Variants in NOD1 observed in about 807,000 individuals in gnomAD.
The protein encoded by NOD1 is nucleotide binding oligomerization domain containing 1.
Under a neutral mutation model 81.2 loss-of-function variants are expected in NOD1, and 70 were observed. The observed-to-expected ratio is 0.86, with a 90% CI of 0.71 to 1.05. NOD1 has a LOEUF of 1.05. Among genes scored for constraint, NOD1 ranks in the 50% least tolerant of loss-of-function variants. The pLI is 0.00. For synonymous variants in NOD1, 508 were observed against 526.9 expected, an observed-to-expected ratio of 0.96 and a Z score of 0.49; for missense variants, 1,233 against 1,228.0, an observed-to-expected ratio of 1.00 and a Z score of -0.06.
intron 1 of NOD1, among the ~76,000 whole-genome samples, chr7:30,462,288 C>G (rs1787176603): frequency 6.6e-6 from 1 of 152,172 alleles, no homozygotes; most frequent in African/African-American, 2.4e-5. Context: ...TCCTATACCA[C>G]TGGTGGAAAT....
rs765191412 is a variant in NOD1, at chr7:30,437,648, C to T, written c.2462G>A (p.Gly821Asp). ...SKSISEVGMW[G>D]NQVGDEGAKA... Reference sequence around the variant, plus strand: ...TGCTCCTTCATCCCCAACTTGATTGCCCCACATCCTGAGGGAGGAGACAAG... The same window carrying T: ...TGCTCCTTCATCCCCAACTTGATTGTCCCACATCCTGAGGGAGGAGACAAG... The change falls in exon 10 of 14, where the codon GGC becomes GAC. Residue 821 changes from glycine to aspartate, a missense_variant. By Grantham distance (94) the Gly-to-Asp change is moderately conservative (BLOSUM62 -1). Transcript: ENST00000222823. The T allele has an allele frequency of 2.0e-6, 3 of 1,515,710 alleles. No homozygotes were observed. Among genetic ancestry groups the T allele is most frequent in the African/African-American group, 2.9e-5 (2 of 68,394 alleles). The allele number at this position is 1,515,710 out of a possible 1,614,324, so 93.9% of individuals were successfully genotyped here.
chr7:30,455,329 A>C lies in NOD1; in HGVS notation c.202-18T>G. The C allele has an allele frequency of 6.2e-7, 1 of 1,607,524 alleles. No homozygotes were observed. Among genetic ancestry groups the C allele is most frequent in the Non-Finnish European group, 8.5e-7 (1 of 1,175,104 alleles). ...TTGCGGACCTGGAGGTGACACAAGC[A>C]TGAGGGCACGGGCTGGCATGAGGGG... On this transcript the variant is annotated intron_variant, in intron 4 of 13. Coordinates refer to ENST00000222823, the MANE Select transcript of NOD1 (RefSeq NM_006092.4).
chr7:30,438,784 C>T (rs916582984), intron 9 of NOD1, among the ~76,000 whole-genome samples: 4 of 152,178 alleles, frequency 2.6e-5, no homozygotes, highest in Non-Finnish European at 5.9e-5. Context: ...AGTCTCACCC[C>T]TACTATAGTA....
At chr7:30,472,266 T>C (rs1461812726) in intron 1 of NOD1, among the ~76,000 whole-genome samples, 1 of 152,208 alleles carries the variant, frequency 6.6e-6, no homozygotes, top group Non-Finnish European at 1.5e-5. Flanking sequence ...CCTCCTGGGC[T>C]TGGGCCTTAC....
At chr7:30,456,658 G>T in intron 4 of NOD1, 63 bp downstream of exon 4, 1 of 1,437,120 alleles carries the variant, frequency 7.0e-7, no homozygotes, top group Non-Finnish European at 9.8e-7. Flanking sequence ...GATCAGCAGG[G>T]AGAGGCCTCT....
At chr7:30,435,514 T>C (rs1784305289) in intron 11 of NOD1, among the ~76,000 whole-genome samples, 1 of 152,102 alleles carries the variant, frequency 6.6e-6, no homozygotes, top group South Asian at 2.1e-4. Flanking sequence ...TGTACCTGTT[T>C]ATGCTTGTAG....
At chr7:30,450,895 C>T (rs570679371) in intron 6 of NOD1, among the ~76,000 whole-genome samples, 1 of 152,270 alleles carries the variant, frequency 6.6e-6, no homozygotes, top group East Asian at 1.9e-4. Flanking sequence ...ATTTGTAATG[C>T]ACTTCACCCA....
At chr7:30,428,371 T>C (rs1048538255) in intron 13 of NOD1, 3 of 139,172 alleles carry the variant, frequency 2.2e-5, no homozygotes, top group African/African-American at 9.4e-5. Context: ...AACAGTGTTT[T>C]TTTTAAAAAA....
At chr7:30,466,336 C>T (rs1247791659) in intron 1 of NOD1, among the ~76,000 whole-genome samples, 2 of 152,130 alleles carry the variant, frequency 1.3e-5, no homozygotes, top group African/African-American at 4.8e-5. Context: ...AGGCTTTTAG[C>T]CATCACTGCT....
chr7:30,469,296 C>T, intron 1 of NOD1: 3 of 947,424 alleles, frequency 3.2e-6, no homozygotes, highest in Non-Finnish European at 3.8e-6. Flanking sequence ...CATTGACACT[C>T]ACTGACTTTA....
At chr7:30,462,355 T>G (rs1787183557) in intron 1 of NOD1, among the ~76,000 whole-genome samples, 1 of 151,946 alleles carries the variant, frequency 6.6e-6, no homozygotes, top group Non-Finnish European at 1.5e-5. Flanking sequence ...CAACAGACTC[T>G]GAAAACTTTC....
chr7:30,456,965 C>G lies in NOD1; in HGVS notation c.-44G>C, dbSNP rs565900613. The G allele has an allele frequency of 2.6e-6, 4 of 1,540,026 alleles. No individual in the cohort carries two copies. The highest frequency in any genetic ancestry group is 2.2e-5 in the South Asian group (2 of 89,540). On this transcript the variant is annotated 5_prime_UTR_variant, in exon 4 of 14. Transcript: ENST00000222823. ...CTACTTTTCCCAAATTCATCTTCAG[C>G]TGCGTGTGTCCTCTCAGCAGAAGGG... is the stretch of plus-strand genomic sequence containing the variant.
At chr7:30,453,593 G>GT (rs940103879) in intron 5 of NOD1, among the ~76,000 whole-genome samples, 3 of 152,074 alleles carry the variant, frequency 2.0e-5, no homozygotes, top group African/African-American at 4.8e-5. Flanking sequence ...TAATTTTTGT[G>GT]TTTTTTTGTA....
At chr7:30,426,210 T>C (rs571480309) in intron 13 of NOD1, among the ~76,000 whole-genome samples, 3 of 152,136 alleles carry the variant, frequency 2.0e-5, no homozygotes, top group Non-Finnish European at 4.4e-5. Flanking sequence ...CTTGTTTGTA[T>C]GTCCGTGGAG....
intron 1 of NOD1, among the ~76,000 whole-genome samples, chr7:30,472,797 G>A (rs1216723336): frequency 6.6e-6 from 1 of 152,214 alleles, no homozygotes; most frequent in Non-Finnish European, 1.5e-5. Flanking sequence ...GCAGAACTGT[G>A]AGAGATAAAT....
chr7:30,459,445 C>T (rs1786775446), intron 2 of NOD1, among the ~76,000 whole-genome samples: 2 of 152,188 alleles, frequency 1.3e-5, no homozygotes, highest in South Asian at 4.1e-4. Flanking sequence ...AATTGAGTCA[C>T]ACCTGTCCTT....
Position 30,425,912 on chromosome 7 carries a change from TCTCA to T in NOD1, c.2790-206_2790-203del, listed in dbSNP as rs1783409050. 2.0e-5 allele frequency among the ~76,000 whole-genome samples: 3 copies of T among 152,156 alleles called. No homozygotes were observed. In the South Asian group the frequency reaches 6.2e-4, roughly 31 times the overall value. On this transcript the variant is annotated intron_variant, in intron 13 of 13. Transcript: ENST00000222823. ...AGCTGCCATCCCTCTGTTCACTGGG[TCTCA>T]CTAAGGTCACCTGTAGCCTCCATAA...
chr7:30,456,708 G>A lies in NOD1; in HGVS notation c.201+13C>T. On this transcript the variant is annotated intron_variant, in intron 4 of 13. Transcript: ENST00000222823. ...TCCACACAATGCCATGCCCGTCCCTGTCCCCGGGGCACCTTGTCAGGCTGG... is the reference window on the plus strand; with the variant it reads ...TCCACACAATGCCATGCCCGTCCCTATCCCCGGGGCACCTTGTCAGGCTGG... 1 of 1,612,818 alleles carries A rather than the reference G, an allele frequency of 6.2e-7. No individual in the cohort carries two copies. Among genetic ancestry groups the A allele is most frequent in the Non-Finnish European group, 8.5e-7 (1 of 1,179,456 alleles).
Position 30,452,268 on chromosome 7 carries a change from G to A in NOD1, c.1149C>T (p.Asn383=). 2 of 1,613,566 alleles carry A rather than the reference G, an allele frequency of 1.2e-6. No homozygotes were observed. The highest frequency in any genetic ancestry group is 1.7e-6 in the Non-Finnish European group (2 of 1,179,896). ...RLLSQLEANP[N]LCSLCSVPLF... ...GGGGCACAGAGCACAGGCTGCAGAG[G>A]TTGGGGTTGGCCTCCAGCTGGCTCA... Residue 383 remains asparagine (N), a synonymous_variant, in exon 6 of 14, where the codon AAC becomes AAT. Coordinates refer to ENST00000222823, the MANE Select transcript of NOD1 (RefSeq NM_006092.4).
Sources: allele counts gnomAD v4.1 joint callset (sites outside exome capture counted in the v4.1 genomes callset), GRCh38; gene constraint gnomAD v4.1.1; transcripts MANE v1.5; gene names NCBI Gene and HGNC (gene_info 2026-07-23, HGNC 2026-07-21).